The following ESF1 variants were observed in gnomAD, a reference collection of about 807,000 sequenced individuals.
ESF1 encodes the protein ESF1 homolog.
In ESF1, 58 loss-of-function variants were observed where a neutral mutation model predicts 92.0. The observed-to-expected ratio is 0.63, with a 90% confidence interval of 0.51 to 0.78. The LOEUF is 0.78. Among genes scored for constraint, ESF1 ranks in the 30% least tolerant of loss-of-function variants. ESF1 has a pLI of 0.00. For synonymous variants in ESF1, 321 were observed against 313.7 expected (o/e 1.02, Z -0.24); for missense variants, 922 against 989.1 (o/e 0.93, Z 0.91).
At chr20:13,783,276 T>C (rs1418095322) in intron 1 of ESF1, 93 bp from the exon 2 acceptor site, 1 of 950,856 alleles carries the variant, frequency 1.1e-6, no homozygotes, top group East Asian at 2.7e-5. Flanking sequence ...TAAGTTAATA[T>C]ATTCTAAGTT....
At chr20:13,765,609 G>A (rs1041958527) in intron 8 of ESF1, among the ~76,000 whole-genome samples, 1 of 152,158 alleles carries the variant, frequency 6.6e-6, no homozygotes, top group Non-Finnish European at 1.5e-5. Context: ...ATTTCAATTA[G>A]TACCCTGACA....
chr20:13,778,742 T>A (rs980499339), intron 2 of ESF1, among the ~76,000 whole-genome samples: 1 of 152,152 alleles, frequency 6.6e-6, no homozygotes, highest in East Asian at 1.9e-4. Flanking sequence ...TTCAGAGTAT[T>A]TATTCATTCA....
chr20:13,745,332 G>A (rs953145848), intron 9 of ESF1, among the ~76,000 whole-genome samples: 2 of 152,134 alleles, frequency 1.3e-5, no homozygotes, highest in Non-Finnish European at 2.9e-5. Context: ...GTATAATAAT[G>A]AGCAATAGAA....
intron 10 of ESF1, among the ~76,000 whole-genome samples, chr20:13,729,102 T>C (rs1366523873): frequency 1.3e-5 from 2 of 151,682 alleles, no homozygotes; most frequent in Non-Finnish European, 2.9e-5. Context: ...CTACTAAAAA[T>C]ACAAAAGTTA....
intron 11 of ESF1, among the ~76,000 whole-genome samples, chr20:13,721,042 G>C (rs1417441935): frequency 1.3e-5 from 2 of 152,160 alleles, no homozygotes; most frequent in Admixed American, 6.5e-5. Flanking sequence ...AGAATTGCTT[G>C]AATCTGGGAG....
intron 11 of ESF1, among the ~76,000 whole-genome samples, chr20:13,719,366 T>TA (rs1175460739): frequency 6.6e-6 from 1 of 152,128 alleles, no homozygotes; most frequent in Admixed American, 6.5e-5. Context: ...AATGAAATTC[T>TA]AAATAAAAAA....
intron 11 of ESF1, among the ~76,000 whole-genome samples, chr20:13,727,542 GGGTTCTTGTGTGT>G (rs1382411926): frequency 6.6e-6 from 1 of 152,160 alleles, no homozygotes; most frequent in African/African-American, 2.4e-5. Context: ...AAGCCTTTTG[GGGTTCTTGTGTGT>G]GGTATAATGA....
intron 9 of ESF1, among the ~76,000 whole-genome samples, chr20:13,757,734 G>C (rs1313151546): frequency 6.6e-6 from 1 of 152,130 alleles, no homozygotes; most frequent in Non-Finnish European, 1.5e-5. Flanking sequence ...ACACAATCTA[G>C]ATGTGGTCCA....
chr20:13,776,799 T>C (rs1012081843), intron 2 of ESF1, among the ~76,000 whole-genome samples: 5 of 152,168 alleles, frequency 3.3e-5, no homozygotes, highest in African/African-American at 4.8e-5. Context: ...AGGAGTTAAA[T>C]AGTCAAAGTT....
At position 13,714,889 on chromosome 20, in the gene ESF1, C is replaced by T. The variant is rs1343737152; in HGVS notation, c.2541G>A (p.Lys847=). The T allele has an allele frequency of 1.3e-6, 2 of 1,594,318 alleles. No individual in the cohort carries two copies. The highest frequency in any genetic ancestry group is 1.8e-5 in the Admixed American group (1 of 55,774). Residue 847 remains lysine (K), a synonymous_variant, in exon 14 of 14, where the codon AAG becomes AAA. Coordinates refer to ENST00000617257, the MANE Select transcript of ESF1 (RefSeq NM_001276380.2). ...TAACATCCAGTTATTTGACTTTTTG[C>T]TTTTTTCTTGCTTGAAACTGCTCTG... is the stretch of plus-strand genomic sequence containing the variant. ...TKTEQFQARK[K]QKVK is the part of the protein sequence containing the mutation.
At chr20:13,748,588 A>ATT (rs1351825674) in intron 9 of ESF1, among the ~76,000 whole-genome samples, 1 of 61,514 alleles carries the variant, frequency 1.6e-5, no homozygotes, top group Non-Finnish European at 3.2e-5. Flanking sequence ...ATATATATAT[A>ATT]TATATTTTTT....
At chr20:13,722,872 A>G (rs1257487393) in intron 11 of ESF1, among the ~76,000 whole-genome samples, 1 of 152,092 alleles carries the variant, frequency 6.6e-6, no homozygotes, top group Non-Finnish European at 1.5e-5. Flanking sequence ...AAGAAAAAAA[A>G]AAGAAACTAC....
In ESF1 at chr20:13,724,959, C is replaced by T. The variant is rs1055366022; in HGVS notation, c.2038+3419G>A. ...CTTTCTCTGCCTAGGCCTCCCATAC[C>T]GCTGCTCTTGCCACATGTTCTATGG... On this transcript the variant is annotated intron_variant, in intron 11 of 13. Transcript: ENST00000617257. 1.7e-4 allele frequency among the ~76,000 whole-genome samples: 26 copies of T among 152,154 alleles called. 1 individual carries two copies. The highest frequency in any genetic ancestry group is 6.3e-4 in the African/African-American group (26 of 41,426).
chr20:13,780,809 A>T (rs1482726303), intron 2 of ESF1, among the ~76,000 whole-genome samples: 2 of 152,220 alleles, frequency 1.3e-5, no homozygotes, highest in African/African-American at 4.8e-5. Context: ...GCTGGAGGTG[A>T]CAAAAAATTT....
intron 13 of ESF1, among the ~76,000 whole-genome samples, chr20:13,717,100 A>G (rs1341382387): frequency 6.6e-6 from 1 of 151,720 alleles, no homozygotes; most frequent in Non-Finnish European, 1.5e-5. Context: ...TACAGGCATG[A>G]GCCACCACGC....
intron 7 of ESF1, among the ~76,000 whole-genome samples, chr20:13,769,548 G>A (rs192975540): frequency 2.6e-5 from 4 of 152,300 alleles, no homozygotes; most frequent in African/African-American, 7.2e-5. Flanking sequence ...CAGCACTTTG[G>A]GAAGCCAAGG....
Position 13,724,256 on chromosome 20 carries a change from C to T in ESF1, c.2038+4122G>A, listed in dbSNP as rs563210286. Among the ~76,000 whole-genome samples, 8 of 152,242 alleles carry T rather than the reference C, an allele frequency of 5.3e-5. No individual in the cohort carries two copies. In the South Asian group the frequency reaches 1.7e-3, roughly 32 times the overall value. On this transcript the variant is annotated intron_variant, in intron 11 of 13. Transcript: ENST00000617257. The stretch of plus-strand genomic sequence containing the variant: ...GCTGTGGTGAGCAGATACTACGCCA[C>T]TGCACTCCAGCCTGGGCGACACAGT...
At chr20:13,773,690 G>T (rs1185070168) in intron 4 of ESF1, among the ~76,000 whole-genome samples, 1 of 152,066 alleles carries the variant, frequency 6.6e-6, no homozygotes, top group Non-Finnish European at 1.5e-5. Flanking sequence ...ATAGCATCAT[G>T]AAATGTTTAG....
intron 9 of ESF1, among the ~76,000 whole-genome samples, chr20:13,748,977 G>A (rs1038778440): frequency 6.6e-6 from 1 of 151,864 alleles, no homozygotes; most frequent in African/African-American, 2.4e-5. Flanking sequence ...TACAGCAATG[G>A]GATCCTAAAA....
Sources: allele counts gnomAD v4.1 joint callset (sites outside exome capture counted in the v4.1 genomes callset), GRCh38; gene constraint gnomAD v4.1.1; transcripts MANE v1.5; gene names NCBI Gene and HGNC (gene_info 2026-07-23, HGNC 2026-07-21).